SYNRG: variants seen among roughly 807,000 people sequenced by gnomAD.
The protein encoded by SYNRG is synergin gamma.
Under a neutral mutation model 130.9 loss-of-function variants are expected in SYNRG, and 37 were observed. The observed-to-expected ratio is 0.28, with a 90% CI of 0.22 to 0.37. The LOEUF (loss-of-function observed/expected upper bound fraction) is 0.37, where lower values mean the gene tolerates loss of function less well. SYNRG is among the 10% of genes least tolerant of loss of function. SYNRG has a pLI of 1.00. For synonymous variants in SYNRG, 539 were observed against 568.1 expected, an observed-to-expected ratio of 0.95 and a Z score of 0.73; for missense variants, 1,338 against 1,588.9, an observed-to-expected ratio of 0.84 and a Z score of 2.68.
intron 13 of SYNRG, among the ~76,000 whole-genome samples, chr17:37,554,807 G>A (rs1422900672): frequency 3.3e-5 from 5 of 152,012 alleles, no homozygotes; most frequent in Non-Finnish European, 5.9e-5. Context: ...GTATCAATGA[G>A]CACTTATTTT....
At chr17:37,587,360 C>T (rs1404098927) in intron 3 of SYNRG, among the ~76,000 whole-genome samples, 1 of 152,100 alleles carries the variant, frequency 6.6e-6, no homozygotes, top group Non-Finnish European at 1.5e-5. Flanking sequence ...AATTAAATGG[C>T]TAATTTTTAA....
chr17:37,575,948 T>C (rs185152738), intron 8 of SYNRG, among the ~76,000 whole-genome samples: 104 of 151,632 alleles, frequency 6.9e-4, no homozygotes, highest in African/African-American at 2.3e-3. Context: ...TGACAAGTCA[T>C]AGAAAGAATA....
In SYNRG at chr17:37,591,370, A is replaced by G. The variant is rs144363705; in HGVS notation, c.241-4821T>C. 6.4e-3 allele frequency among the ~76,000 whole-genome samples: 970 copies of G among 152,336 alleles called. 6 individuals are homozygous for G. The highest frequency in any genetic ancestry group is 0.022 in the African/African-American group (920 of 41,574). ...ACAAATGAAAAGACATCTCATATTGATATGTTGGAAGACATCAATTCTCCC... is the reference window on the plus strand; with the variant it reads ...ACAAATGAAAAGACATCTCATATTGGTATGTTGGAAGACATCAATTCTCCC... On this transcript the variant is annotated intron_variant, in intron 3 of 21. Transcript: ENST00000612223.
At position 37,570,897 on chromosome 17, in the gene SYNRG, AG is replaced by A. The variant is rs764023667; in HGVS notation, c.1099-13del. Reference sequence around the variant, plus strand: ...GCAGGAACGCCCCTCTACAAATGATAGAAAGAAAATGGATTAGAGGATTGTA... The same window carrying A: ...GCAGGAACGCCCCTCTACAAATGATAAAAGAAAATGGATTAGAGGATTGTA... On this transcript the variant is annotated splice_polypyrimidine_tract_variant and intron_variant, in intron 9 of 21. Transcript: ENST00000612223. 1 of 1,607,822 alleles carries A rather than the reference AG, an allele frequency of 6.2e-7. No individual in the cohort carries two copies. Among genetic ancestry groups the A allele is most frequent in the South Asian group, 1.1e-5 (1 of 90,356 alleles).
At position 37,609,295 on chromosome 17, in the gene SYNRG, A is replaced by G. The variant is rs559079699; in HGVS notation, c.61T>C (p.Ser21Pro). The change falls in exon 1 of 22, where the codon TCC becomes CCC. Residue 21 changes from serine (S) to proline (P), a missense_variant. Ser to Pro is a moderately conservative substitution (Grantham distance 74). Around this residue, in one of 3 missense-constraint regions of SYNRG, gnomAD observed 184 missense variants for 217.2 expected, o/e 0.85. Transcript: ENST00000612223. The stretch of plus-strand genomic sequence containing the variant: ...CACACCTACCCGCCTCCCCCGGCGG[A>G]CCCCGCGCCAGCTCCCGCGGCCCCG... Reference protein sequence around the residue: ...GGGAAGAGAGSAGGGGFMFPV... With the variant: ...GGGAAGAGAGPAGGGGFMFPV... 2 of 1,454,008 alleles carry G rather than the reference A, an allele frequency of 1.4e-6. No individual in the cohort carries two copies. The highest frequency in any genetic ancestry group is 2.6e-5 in the Admixed American group (1 of 38,026). The allele number at this position is 1,454,008 out of a possible 1,614,324, so 90.1% of individuals were successfully genotyped here.
Position 37,586,553 on chromosome 17 carries a change from G to A in SYNRG, c.241-4C>T. On this transcript the variant is annotated splice_region_variant and splice_polypyrimidine_tract_variant and intron_variant, in intron 3 of 21. Transcript: ENST00000612223. ...TTGGTCCCATTGGTATTCCTGCCTA[G>A]AAGAAACAGACAAAGGCTTAAAAAA... The A allele has an allele frequency of 6.2e-7, 1 of 1,613,794 alleles. No individual in the cohort carries two copies.
In SYNRG at chr17:37,580,510, TGAGAGAGA is replaced by T. The variant is rs71135748; in HGVS notation, c.590-2905_590-2898del. On this transcript the variant is annotated intron_variant, in intron 6 of 21. Coordinates refer to ENST00000612223, the MANE Select transcript of SYNRG (RefSeq NM_007247.6). ...GTGTGTGTGTGTGTGTGTGTGTGTG[TGAGAGAGA>T]GAGAGAGAGAGAGAGAGACGGAGTC... 4.5e-3 allele frequency among the ~76,000 whole-genome samples: 580 copies of T among 127,708 alleles called. 6 individuals are homozygous for T. Among genetic ancestry groups the T allele is most frequent in the African/African-American group, 0.02 (559 of 27,458 alleles). 83.8% of individuals were successfully genotyped at this position (127,708 alleles called of 152,430 possible).
At chr17:37,574,220 C>T (rs1182143128) in intron 8 of SYNRG, among the ~76,000 whole-genome samples, 1 of 152,100 alleles carries the variant, frequency 6.6e-6, no homozygotes, top group Non-Finnish European at 1.5e-5. Flanking sequence ...AAGAATAAAA[C>T]TAGACCCCAT....
chr17:37,537,656 A>G (rs73984261), intron 18 of SYNRG, among the ~76,000 whole-genome samples: 1 of 152,294 alleles, frequency 6.6e-6, no homozygotes, highest in South Asian at 2.1e-4. Context: ...GAAAAGAATA[A>G]TAAGTAACAT....
intron 2 of SYNRG, among the ~76,000 whole-genome samples, chr17:37,598,356 A>C (rs2062961127): frequency 6.6e-6 from 1 of 152,238 alleles, no homozygotes. Context: ...AATATTCCAG[A>C]CCAAAGAACA....
intron 19 of SYNRG, among the ~76,000 whole-genome samples, chr17:37,527,564 C>G (rs899828288): frequency 6.6e-6 from 1 of 152,028 alleles, no homozygotes; most frequent in South Asian, 2.1e-4. Context: ...CAACCAACCT[C>G]AGATCAAAAA....
intron 6 of SYNRG, among the ~76,000 whole-genome samples, chr17:37,581,769 T>C (rs988084443): frequency 7.0e-6 from 1 of 143,250 alleles, no homozygotes; most frequent in Non-Finnish European, 1.5e-5. Flanking sequence ...TTTTTTCTTT[T>C]TTTTTTTTTT....
At chr17:37,559,750 C>T (rs1257459297) in intron 13 of SYNRG, among the ~76,000 whole-genome samples, 1 of 152,108 alleles carries the variant, frequency 6.6e-6, no homozygotes, top group Admixed American at 6.5e-5. Context: ...GCTAATACTT[C>T]AAGCAGTGTA....
At chr17:37,550,904 CA>C (rs780352782) in intron 14 of SYNRG, among the ~76,000 whole-genome samples, 20 of 152,078 alleles carry the variant, frequency 1.3e-4, no homozygotes, top group Non-Finnish European at 2.5e-4. Flanking sequence ...TAAATTTAGT[CA>C]GGGGGAAAAA....
At chr17:37,556,319 C>CAGGT (rs1261709376) in intron 13 of SYNRG, among the ~76,000 whole-genome samples, 1 of 151,956 alleles carries the variant, frequency 6.6e-6, no homozygotes, top group East Asian at 1.9e-4. Flanking sequence ...GGTGTGGTGG[C>CAGGT]AGGTGCCTGT....
At chr17:37,524,748 C>CA (rs1412515147) in intron 19 of SYNRG, among the ~76,000 whole-genome samples, 1 of 152,232 alleles carries the variant, frequency 6.6e-6, no homozygotes, top group Non-Finnish European at 1.5e-5. Context: ...GGACATAAAA[C>CA]ATGCTCTGGA....
At chr17:37,523,510 C>T (rs910783786) in intron 19 of SYNRG, among the ~76,000 whole-genome samples, 3 of 152,148 alleles carry the variant, frequency 2.0e-5, no homozygotes, top group Non-Finnish European at 4.4e-5. Flanking sequence ...TCATAAAATT[C>T]CTGAACATTT....
intron 19 of SYNRG, chr17:37,529,754 T>C: frequency 6.5e-7 from 1 of 1,548,334 alleles, no homozygotes; most frequent in Non-Finnish European, 8.7e-7. Context: ...ATTCACAAGC[T>C]TGGCAAGTAC....
intron 6 of SYNRG, chr17:37,579,190 G>A (rs1403634198): frequency 1.6e-6 from 2 of 1,223,668 alleles, no homozygotes; most frequent in African/African-American, 3.2e-5. Flanking sequence ...TTTGCCCAGG[G>A]ACGCCATGTA....
Sources: allele counts gnomAD v4.1 joint callset (sites outside exome capture counted in the v4.1 genomes callset), GRCh38; gene constraint gnomAD v4.1.1; regional missense constraint gnomAD v4.1.1; transcripts MANE v1.5; gene names NCBI Gene and HGNC (gene_info 2026-07-23, HGNC 2026-07-21).